CTNND2: variants seen among roughly 807,000 people sequenced by gnomAD.
CTNND2 encodes the protein catenin delta 2.
CTNND2 carries 22 observed loss-of-function variants against 144.4 expected under a neutral mutation model. That is an observed-to-expected ratio of 0.15 (90% CI 0.11 to 0.22). CTNND2 has a LOEUF of 0.22. Among genes scored for constraint, CTNND2 ranks in the 10% least tolerant of loss-of-function variants. The pLI, the probability that CTNND2 is intolerant of heterozygous loss-of-function variation, is 1.00. For synonymous variants in CTNND2, 751 were observed against 695.6 expected, an observed-to-expected ratio of 1.08 and a Z score of -1.25; for missense variants, 1,353 against 1,618.8, an observed-to-expected ratio of 0.84 and a Z score of 2.82.
intron 3 of CTNND2, among the ~76,000 whole-genome samples, chr5:11,536,045 T>G (rs1774189932): frequency 6.6e-6 from 1 of 152,208 alleles, no homozygotes; most frequent in Non-Finnish European, 1.5e-5. Flanking sequence ...ATGTTAGCTC[T>G]TTTATTTTAT....
chr5:11,431,885 G>T (rs6865100), intron 3 of CTNND2, among the ~76,000 whole-genome samples: 2,006 of 152,102 alleles, frequency 0.013, 55 homozygotes, highest in African/African-American at 0.046. Flanking sequence ...ACAATAACAC[G>T]CACAGCACGG....
intron 10 of CTNND2, among the ~76,000 whole-genome samples, chr5:11,204,734 GATA>G (rs1359258139): frequency 2.6e-5 from 4 of 151,996 alleles, no homozygotes; most frequent in African/African-American, 7.2e-5. Flanking sequence ...AAAATGTAAT[GATA>G]ATGATGATGT....
chr5:11,091,892 T>C (rs1750811040), intron 15 of CTNND2, among the ~76,000 whole-genome samples: 2 of 152,220 alleles, frequency 1.3e-5, no homozygotes, highest in Non-Finnish European at 2.9e-5. Context: ...GAGAGTTCTC[T>C]GTTGAATATT....
chr5:11,832,307 A>C (rs1032343442), intron 1 of CTNND2, among the ~76,000 whole-genome samples: 1 of 152,088 alleles, frequency 6.6e-6, no homozygotes, highest in Non-Finnish European at 1.5e-5. Flanking sequence ...GAAAAAAAAA[A>C]CGAAAGCTCT....
chr5:11,403,959 G>A (rs192343581), intron 5 of CTNND2, among the ~76,000 whole-genome samples: 61 of 152,176 alleles, frequency 4.0e-4, no homozygotes, highest in African/African-American at 1.4e-3. Context: ...CCTGGCCTTC[G>A]ATCATTCTTT....
intron 20 of CTNND2, among the ~76,000 whole-genome samples, chr5:10,985,480 T>A (rs1407845796): frequency 2.0e-5 from 3 of 152,192 alleles, no homozygotes; most frequent in Non-Finnish European, 4.4e-5. Flanking sequence ...CCTAGATGGA[T>A]CTGAACTTCT....
At chr5:11,347,255 G>T (rs1316072949) in intron 8 of CTNND2, among the ~76,000 whole-genome samples, 1 of 152,140 alleles carries the variant, frequency 6.6e-6, no homozygotes, top group Admixed American at 6.5e-5. Flanking sequence ...TTCAAGTGAA[G>T]CTGTCACAGA....
At position 11,225,302 on chromosome 5, in the gene CTNND2, G is replaced by T. The variant is rs565787773; in HGVS notation, c.1761+11389C>A. 3.9e-5 allele frequency among the ~76,000 whole-genome samples: 6 copies of T among 152,202 alleles called. No individual in the cohort carries two copies. In the South Asian group the frequency reaches 1.2e-3, roughly 32 times the overall value. On this transcript the variant is annotated intron_variant, in intron 10 of 21. Coordinates refer to ENST00000304623, the MANE Select transcript of CTNND2 (RefSeq NM_001332.4). ...TGTAATCACTCTGAGCTTCCTTTTG[G>T]TTTTCTCTTAAAATCCTCTACTCCC...
chr5:11,640,549 G>T (rs1781947446), intron 2 of CTNND2, among the ~76,000 whole-genome samples: 1 of 152,174 alleles, frequency 6.6e-6, no homozygotes, highest in Non-Finnish European at 1.5e-5. Flanking sequence ...TTGTAAGTAT[G>T]ATTAATTAGT....
chr5:11,098,740 T>C lies in CTNND2; in HGVS notation c.2472A>G (p.Gly824=). ...KKKKSQDQWD[G]VGPLPDCAEP... ...CAGCACAGTCTGGAAGAGGTCCTAC[T>C]CCATCCCACTGGCGGAAGAAAAACA... Residue 824 remains glycine, a synonymous_variant, in exon 15 of 22, where the codon GGA becomes GGG. Transcript: ENST00000304623. The C allele has an allele frequency of 6.2e-7, 1 of 1,612,290 alleles. No individual in the cohort carries two copies. The highest frequency in any genetic ancestry group is 8.5e-7 in the Non-Finnish European group (1 of 1,179,426).
intron 3 of CTNND2, among the ~76,000 whole-genome samples, chr5:11,564,616 CG>C (rs1776930783): frequency 6.7e-6 from 1 of 148,754 alleles, no homozygotes; most frequent in South Asian, 2.1e-4. Context: ...GGATCATTTA[CG>C]AAAAAAAAAA....
At chr5:11,034,491 ACAC>A (rs1279859286) in intron 16 of CTNND2, among the ~76,000 whole-genome samples, 1 of 152,236 alleles carries the variant, frequency 6.6e-6, no homozygotes, top group Non-Finnish European at 1.5e-5. Context: ...ACATAGGCAC[ACAC>A]ATATATGCGC....
chr5:10,974,048 A>G (rs1736143534), intron 21 of CTNND2, among the ~76,000 whole-genome samples: 1 of 152,222 alleles, frequency 6.6e-6, no homozygotes, highest in Admixed American at 6.5e-5. Flanking sequence ...ATCCGTTTCC[A>G]CCACTTTTTA....
chr5:11,587,025 T>G (rs533388667), intron 2 of CTNND2, among the ~76,000 whole-genome samples: 52 of 152,088 alleles, frequency 3.4e-4, no homozygotes, highest in Non-Finnish European at 7.1e-4. Flanking sequence ...CATCAATGAG[T>G]TAACTTAATT....
At chr5:11,250,457 C>CTG (rs1743445150) in intron 9 of CTNND2, among the ~76,000 whole-genome samples, 1 of 29,310 alleles carries the variant, frequency 3.4e-5, no homozygotes, top group Admixed American at 5.6e-4. Context: ...TTAAAGGGTG[C>CTG]TCTCTCTCTC....
At chr5:11,582,857 AT>A (rs1400051400) in intron 2 of CTNND2, among the ~76,000 whole-genome samples, 1 of 152,192 alleles carries the variant, frequency 6.6e-6, no homozygotes, top group Non-Finnish European at 1.5e-5. Context: ...TACAATTAGA[AT>A]GCGTCGGTGC....
intron 5 of CTNND2, among the ~76,000 whole-genome samples, chr5:11,409,079 A>T (rs181788616): frequency 6.6e-6 from 1 of 151,988 alleles, no homozygotes; most frequent in East Asian, 1.9e-4. Flanking sequence ...ATATCCTCTG[A>T]ATGTGTTTTT....
Position 11,410,260 on chromosome 5 carries a change from C to T in CTNND2, c.439+1276G>A, listed in dbSNP as rs61749775. 4.6e-5 allele frequency among the ~76,000 whole-genome samples: 7 copies of T among 152,148 alleles called. No individual in the cohort carries two copies. In the East Asian group the frequency reaches 7.7e-4, roughly 17 times the overall value. ...GATAATACCAACCAATCTTTCTTTA[C>T]GAATTGTATTGAGAGGATGCATATG... is the stretch of plus-strand genomic sequence containing the variant. On this transcript the variant is annotated intron_variant, in intron 5 of 21. Coordinates refer to ENST00000304623, the MANE Select transcript of CTNND2 (RefSeq NM_001332.4).
At chr5:11,690,685 G>A (rs1188782323) in intron 2 of CTNND2, among the ~76,000 whole-genome samples, 6 of 139,238 alleles carry the variant, frequency 4.3e-5, no homozygotes, top group East Asian at 2.3e-4. Flanking sequence ...GCAGTGAGCC[G>A]AGATTGCGCC....
Sources: allele counts gnomAD v4.1 joint callset (sites outside exome capture counted in the v4.1 genomes callset), GRCh38; gene constraint gnomAD v4.1.1; transcripts MANE v1.5; gene names NCBI Gene and HGNC (gene_info 2026-07-23, HGNC 2026-07-21).